The following RNF11 variants were observed in gnomAD, a reference collection of about 807,000 sequenced individuals.
The protein encoded by RNF11 is ring finger protein 11.
In RNF11, 4 loss-of-function variants were observed where a neutral mutation model predicts 15.8. The observed-to-expected ratio is 0.25, with a 90% CI of 0.12 to 0.58. The LOEUF (loss-of-function observed/expected upper bound fraction) is 0.58, where lower values mean the gene tolerates loss of function less well. Among genes scored for constraint, RNF11 ranks in the 20% least tolerant of loss-of-function variants. The probability of loss-of-function intolerance (pLI) is 0.91; values close to 1 mark genes in which losing one functional copy is unlikely to be tolerated. For missense variants in RNF11, 139 were observed against 194.4 expected (o/e 0.71, Z 1.70); for synonymous variants, 68 against 72.3 (o/e 0.94, Z 0.30).
intron 1 of RNF11, among the ~76,000 whole-genome samples, chr1:51,239,238 T>C (rs901292892): frequency 1.3e-5 from 2 of 152,134 alleles, no homozygotes; most frequent in African/African-American, 4.8e-5. Context: ...CTATTAAAGG[T>C]ACTAGAATTT....
intron 1 of RNF11, among the ~76,000 whole-genome samples, chr1:51,244,950 A>G (rs1369857677): frequency 6.6e-6 from 1 of 152,242 alleles, no homozygotes; most frequent in Admixed American, 6.5e-5. Context: ...TACTTGGTAC[A>G]TAAGATCTGA....
intron 1 of RNF11, among the ~76,000 whole-genome samples, chr1:51,246,769 T>TA (rs1171816084): frequency 6.6e-6 from 1 of 152,152 alleles, no homozygotes; most frequent in East Asian, 1.9e-4. Flanking sequence ...GATGAAAAGT[T>TA]ATGGAGATGG....
At chr1:51,251,727 C>T (rs1214560955) in intron 1 of RNF11, among the ~76,000 whole-genome samples, 1 of 152,072 alleles carries the variant, frequency 6.6e-6, no homozygotes. Flanking sequence ...CACTTGAACT[C>T]AGGATTTTGA....
chr1:51,270,235 A>G, intron 2 of RNF11, 110 bp downstream of exon 2: 1 of 738,002 alleles, frequency 1.4e-6, no homozygotes, highest in Non-Finnish European at 2.2e-6. Context: ...ATATTGAAAC[A>G]CTTCGCTTAA....
Position 51,271,995 on chromosome 1 carries a change from A to C in RNF11, c.*673A>C, listed in dbSNP as rs535418064. 1 of 152,788 alleles carries C rather than the reference A, an allele frequency of 6.5e-6. No individual in the cohort carries two copies. Among genetic ancestry groups the C allele is most frequent in the African/African-American group, 2.4e-5 (1 of 41,594 alleles). 9.5% of individuals were successfully genotyped at this position (152,788 alleles called of 1,614,324 possible). Reference sequence around the variant, plus strand: ...CAAAGTGATCTCCTAGCTTGTAAGCAAACTGAGATGCACTATCCCTTTTCT... The same window carrying C: ...CAAAGTGATCTCCTAGCTTGTAAGCCAACTGAGATGCACTATCCCTTTTCT... On this transcript the variant is annotated 3_prime_UTR_variant, in exon 3 of 3. Transcript: ENST00000242719.
At position 51,244,864 on chromosome 1, in the gene RNF11, T is replaced by G. The variant is rs372859573; in HGVS notation, c.123+7985T>G. ...TTAAGATTGTATGCATCACTAAGAG[T>G]AAGATAGTCTGTTCAGAGTTTAATT... On this transcript the variant is annotated intron_variant, in intron 1 of 2. Transcript: ENST00000242719. Among the ~76,000 whole-genome samples, 346 of 152,214 alleles carry G rather than the reference T, an allele frequency of 2.3e-3. 15 individuals carry two copies. The South Asian group carries it at 0.068, about 30-fold the overall frequency.
intron 1 of RNF11, among the ~76,000 whole-genome samples, chr1:51,238,231 C>T (rs1646813728): frequency 6.6e-6 from 1 of 152,212 alleles, no homozygotes; most frequent in Non-Finnish European, 1.5e-5. Flanking sequence ...CCCAGCATTC[C>T]CTTCCTTCCC....
intron 1 of RNF11, chr1:51,265,201 C>G (rs1306818249): frequency 6.6e-6 from 1 of 152,036 alleles, no homozygotes; most frequent in East Asian, 1.9e-4. Flanking sequence ...TGGCGCGTGC[C>G]TGTACTCCCA....
At chr1:51,240,854 A>G (rs548938314) in intron 1 of RNF11, among the ~76,000 whole-genome samples, 7 of 152,098 alleles carry the variant, frequency 4.6e-5, no homozygotes, top group Non-Finnish European at 8.8e-5. Flanking sequence ...TTTGAGACCA[A>G]GTCTCACCTT....
intron 1 of RNF11, among the ~76,000 whole-genome samples, chr1:51,243,015 C>T (rs1457109001): frequency 6.6e-6 from 1 of 152,212 alleles, no homozygotes; most frequent in Non-Finnish European, 1.5e-5. Flanking sequence ...ACTAACTCCA[C>T]CTTTGTTAAT....
At chr1:51,264,878 G>A (rs1646947922) in intron 1 of RNF11, 1 of 152,090 alleles carries the variant, frequency 6.6e-6, no homozygotes, top group South Asian at 2.1e-4. Flanking sequence ...TGTCTTTCTT[G>A]GCTTAAACCA....
rs1557684292 is a variant in RNF11, at chr1:51,273,047, T to C, written c.*1725T>C. 6.6e-6 allele frequency: 1 copy of C among 152,188 alleles called. No individual in the cohort carries two copies. The highest frequency in any genetic ancestry group is 1.9e-4 in the East Asian group (1 of 5,206). The allele number at this position is 152,188 out of a possible 1,614,324, so 9.4% of individuals were successfully genotyped here. A position where few individuals can be genotyped will look rare whatever the true frequency, so the allele number is the denominator to read the frequency against. The stretch of plus-strand genomic sequence containing the variant: ...TGTTAAATTGTTACATGTATCTTGC[T>C]TAAATTTCTGTTTATTAATTTATAT... On this transcript the variant is annotated 3_prime_UTR_variant, in exon 3 of 3. Coordinates refer to ENST00000242719, the MANE Select transcript of RNF11 (RefSeq NM_014372.5).
intron 1 of RNF11, among the ~76,000 whole-genome samples, chr1:51,253,087 C>T (rs919316920): frequency 6.6e-6 from 1 of 151,972 alleles, no homozygotes; most frequent in African/African-American, 2.4e-5. Context: ...TGCCTCCCAA[C>T]GTGCTGGGTT....
At chr1:51,246,206 G>A (rs1476571043) in intron 1 of RNF11, among the ~76,000 whole-genome samples, 1 of 152,106 alleles carries the variant, frequency 6.6e-6, no homozygotes, top group Non-Finnish European at 1.5e-5. Flanking sequence ...TGGAGGTTGT[G>A]TTGAGGCTAG....
At chr1:51,254,382 G>C (rs368407758) in intron 1 of RNF11, among the ~76,000 whole-genome samples, 18 of 152,066 alleles carry the variant, frequency 1.2e-4, no homozygotes, top group African/African-American at 3.9e-4. Flanking sequence ...CTGCCTCCCA[G>C]GTTCAAGCAG....
At chr1:51,249,835 T>C (rs1281200335) in intron 1 of RNF11, among the ~76,000 whole-genome samples, 2 of 152,214 alleles carry the variant, frequency 1.3e-5, no homozygotes, top group Non-Finnish European at 2.9e-5. Flanking sequence ...GAGCCACATG[T>C]ATATTTAGTT....
rs1245365473 is a variant in RNF11, at chr1:51,257,853, C to CTT, written c.124-12086_124-12085dup. The stretch of plus-strand genomic sequence containing the variant: ...CTTCTTATTTCTTTTCTTTTCTTTT[C>CTT]TTTTTTTTTTTTTTTTTTGAGACAA... On this transcript the variant is annotated intron_variant, in intron 1 of 2. Transcript: ENST00000242719. 9.1e-4 allele frequency among the ~76,000 whole-genome samples: 83 copies of CTT among 91,226 alleles called. 5 individuals carry two copies. Among genetic ancestry groups the CTT allele is most frequent in the African/African-American group, 3.6e-3 (75 of 20,650 alleles). The allele number at this position is 91,226 out of a possible 152,430, so 59.8% of individuals were successfully genotyped here.
intron 1 of RNF11, among the ~76,000 whole-genome samples, chr1:51,250,191 A>G (rs1042530250): frequency 6.6e-6 from 1 of 152,222 alleles, no homozygotes; most frequent in African/African-American, 2.4e-5. Context: ...ATATATACTT[A>G]TGATGTACAC....
intron 1 of RNF11, among the ~76,000 whole-genome samples, chr1:51,259,235 C>T (rs191137483): frequency 3.0e-4 from 46 of 152,186 alleles, no homozygotes; most frequent in African/African-American, 1.1e-3. Flanking sequence ...ATGTACAGGA[C>T]AGCCCCTACA....
Sources: allele counts gnomAD v4.1 joint callset (sites outside exome capture counted in the v4.1 genomes callset), GRCh38; gene constraint gnomAD v4.1.1; transcripts MANE v1.5; gene names NCBI Gene and HGNC (gene_info 2026-07-23, HGNC 2026-07-21).